Variants in PTPRQ observed in about 807,000 individuals in gnomAD.
PTPRQ encodes phosphatidylinositol phosphatase PTPRQ.
PTPRQ carries 199 observed loss-of-function variants against 246.0 expected under a neutral mutation model. The ratio of observed to expected loss-of-function variants is 0.81; its 90% confidence interval spans 0.72 to 0.91. PTPRQ has a LOEUF of 0.91. PTPRQ is among the 40% of genes least tolerant of loss of function. PTPRQ has a pLI of 0.00. For missense variants in PTPRQ, 2,624 were observed against 2,528.4 expected (o/e 1.04, Z -0.81); for synonymous variants, 869 against 853.2 (o/e 1.02, Z -0.32).
At chr12:80,613,532 T>C (rs1898633388) in intron 28 of PTPRQ, 60 bp from the exon 29 acceptor site, 1 of 1,415,866 alleles carries the variant, frequency 7.1e-7, no homozygotes, top group South Asian at 1.4e-5. Flanking sequence ...AATAAATTTA[T>C]GTGGAGATAA....
chr12:80,466,708 C>A (rs934858079), intron 6 of PTPRQ, among the ~76,000 whole-genome samples: 6 of 152,164 alleles, frequency 3.9e-5, no homozygotes, highest in African/African-American at 1.4e-4. Flanking sequence ...CGCTGCATAT[C>A]TACAACTATC....
rs140301379 is a variant in PTPRQ at position 80,545,419 on chromosome 12, G to A, written c.3874-1137G>A. 1.4e-3 allele frequency among the ~76,000 whole-genome samples: 216 copies of A among 152,112 alleles called. 4 individuals carry two copies. Among genetic ancestry groups the A allele is most frequent in the African/African-American group, 5.0e-3 (206 of 41,506 alleles). ...TAAAATTTCTGTTACTGTGATGTTTGATAAATGATCAACATGGTTTATATT... is the reference window on the plus strand; with the variant it reads ...TAAAATTTCTGTTACTGTGATGTTTAATAAATGATCAACATGGTTTATATT... On this transcript the variant is annotated intron_variant, in intron 23 of 44. Coordinates refer to ENST00000644991, the MANE Select transcript of PTPRQ (RefSeq NM_001145026.2).
intron 26 of PTPRQ, 108 bp from the exon 27 acceptor site, chr12:80,604,951 T>G: frequency 8.8e-7 from 1 of 1,139,042 alleles, no homozygotes; most frequent in Non-Finnish European, 1.1e-6. Flanking sequence ...AATGTAAAAT[T>G]AAAATTAATT....
At chr12:80,493,915 T>A (rs1034681562) in intron 10 of PTPRQ, among the ~76,000 whole-genome samples, 2 of 152,046 alleles carry the variant, frequency 1.3e-5, no homozygotes, top group African/African-American at 4.8e-5. Flanking sequence ...ATGTCATTAG[T>A]GTATACACTT....
At chr12:80,613,171 T>A (rs1565818898) in intron 28 of PTPRQ, among the ~76,000 whole-genome samples, 1 of 147,484 alleles carries the variant, frequency 6.8e-6, no homozygotes, top group Non-Finnish European at 1.5e-5. Context: ...TTTCCTGGTT[T>A]CATATAAACT....
At chr12:80,582,987 C>G (rs1187793745) in intron 25 of PTPRQ, among the ~76,000 whole-genome samples, 1 of 152,244 alleles carries the variant, frequency 6.6e-6, no homozygotes, top group Non-Finnish European at 1.5e-5. Flanking sequence ...ACATTGCCTA[C>G]TTCGCCCCTT....
At chr12:80,661,112 A>G (rs901667955) in intron 39 of PTPRQ, among the ~76,000 whole-genome samples, 8 of 151,842 alleles carry the variant, frequency 5.3e-5, no homozygotes, top group Non-Finnish European at 7.4e-5. Context: ...ACACACATGC[A>G]TGTTTATATA....
rs1310800353 is a variant in PTPRQ at position 80,468,784 on chromosome 12, C to T, written c.985C>T (p.Pro329Ser). ...GKSFSILWDP[P>S]TIVTGKFSYR... ...GTCCTTTTCAATTTTATGGGACCCA[C>T]CAACTATAGTAACAGGGAAATTTAG... Residue 329 changes from proline to serine, a missense_variant, in exon 7 of 45, where the codon CCA becomes TCA. Transcript: ENST00000644991. The T allele has an allele frequency of 1.9e-6, 3 of 1,550,140 alleles. No homozygotes were observed. Among genetic ancestry groups the T allele is most frequent in the Admixed American group, 2.0e-5 (1 of 50,858 alleles).
intron 23 of PTPRQ, among the ~76,000 whole-genome samples, chr12:80,544,288 AAT>A (rs149396934): frequency 0.045 from 6,859 of 152,262 alleles, 182 homozygotes; most frequent in African/African-American, 0.062. Flanking sequence ...GCATGTGATA[AAT>A]ATGTTAGCTA....
At chr12:80,645,527 G>C (rs972061360) in intron 35 of PTPRQ, among the ~76,000 whole-genome samples, 1 of 151,120 alleles carries the variant, frequency 6.6e-6, no homozygotes, top group South Asian at 2.1e-4. Context: ...TGTGAATAAT[G>C]TTATGAGGGA....
At chr12:80,538,303 C>T (rs1444139698) in intron 19 of PTPRQ, among the ~76,000 whole-genome samples, 2 of 152,102 alleles carry the variant, frequency 1.3e-5, no homozygotes, top group Admixed American at 1.3e-4. Context: ...TTTAATGTTA[C>T]AAATTTGTTA....
intron 43 of PTPRQ, 113 bp from the exon 44 acceptor site, chr12:80,678,489 A>G (rs1015786643): frequency 3.4e-5 from 43 of 1,253,790 alleles, no homozygotes; most frequent in Non-Finnish European, 4.4e-5. Flanking sequence ...TGTGTCTGTA[A>G]CTTAGCTATT....
intron 36 of PTPRQ, 95 bp downstream of exon 36, chr12:80,649,018 GT>G: frequency 2.4e-6 from 3 of 1,237,176 alleles, no homozygotes; most frequent in Non-Finnish European, 3.2e-6. Flanking sequence ...CTTTTTGTAT[GT>G]TTGTTGGAAA....
intron 32 of PTPRQ, among the ~76,000 whole-genome samples, chr12:80,620,973 T>G (rs187713120): frequency 6.6e-6 from 1 of 152,052 alleles, no homozygotes; most frequent in East Asian, 1.9e-4. Flanking sequence ...CCTTTTGAAT[T>G]GATTATGTTA....
At chr12:80,652,625 T>A (rs1900292814) in intron 37 of PTPRQ, 119 bp from the exon 38 acceptor site, 2 of 961,328 alleles carry the variant, frequency 2.1e-6, no homozygotes, top group South Asian at 2.7e-5. Flanking sequence ...ACAGTTATGA[T>A]AGGTGTTTTT....
intron 14 of PTPRQ, among the ~76,000 whole-genome samples, chr12:80,497,863 A>G (rs1005919439): frequency 1.3e-5 from 2 of 152,116 alleles, no homozygotes; most frequent in African/African-American, 4.8e-5. Context: ...AAATGGCCAA[A>G]TATCAGCAAT....
chr12:80,495,884 G>T, intron 12 of PTPRQ, 115 bp from the exon 13 acceptor site: 1 of 1,238,936 alleles, frequency 8.1e-7, no homozygotes, highest in South Asian at 1.6e-5. Context: ...ATTTGGAAGC[G>T]ATATAGATAT....
chr12:80,578,864 G>A (rs771211971), intron 25 of PTPRQ, among the ~76,000 whole-genome samples: 9 of 151,896 alleles, frequency 5.9e-5, no homozygotes, highest in Admixed American at 1.3e-4. Context: ...CTTTATTTGC[G>A]ATAACAAAGA....
At chr12:80,626,063 T>A (rs1899191139) in intron 33 of PTPRQ, among the ~76,000 whole-genome samples, 1 of 152,214 alleles carries the variant, frequency 6.6e-6, no homozygotes, top group Admixed American at 6.5e-5. Flanking sequence ...TCTTTTGTCA[T>A]AACACTTCTC....
Sources: gnomAD v4.1 joint callset for allele counts (sites outside exome capture counted in the v4.1 genomes callset) on GRCh38, gnomAD v4.1.1 for gene constraint, MANE v1.5 for transcripts, NCBI Gene and HGNC (gene_info 2026-07-23, HGNC 2026-07-21) for gene names.